The following SMU1 variants were observed in gnomAD, a reference collection of about 807,000 sequenced individuals.
The protein encoded by SMU1 is WD40 repeat-containing protein SMU1.
SMU1 carries 2 observed loss-of-function variants against 62.0 expected under a neutral mutation model. That is an observed-to-expected ratio of 0.03 (90% CI 0.01 to 0.10). The LOEUF (loss-of-function observed/expected upper bound fraction) is 0.10, where lower values mean the gene tolerates loss of function less well. Ranked by LOEUF, SMU1 falls within the 10% of genes least tolerant of loss-of-function variation. The probability of loss-of-function intolerance (pLI) is 1.00; values close to 1 mark genes in which losing one functional copy is unlikely to be tolerated. For missense variants in SMU1, 227 were observed against 622.1 expected (o/e 0.36, Z 6.76); for synonymous variants, 188 against 212.4 (o/e 0.89, Z 1.00).
intron 4 of SMU1, 165 bp from the exon 5 acceptor site, chr9:33,062,342 T>C: frequency 2.4e-6 from 1 of 415,710 alleles, no homozygotes; most frequent in Non-Finnish European, 3.2e-6. Context: ...TGTGCTCCCC[T>C]GTGTGTCCAA....
At position 33,062,185 on chromosome 9, in the gene SMU1, G is replaced by GA. The variant is rs112622707; in HGVS notation, c.502-9dup. The GA allele has an allele frequency of 0.17, 210,306 of 1,248,330 alleles. 4,500 individuals are homozygous for GA. The highest frequency in any genetic ancestry group is 0.18 in the Non-Finnish European group (163,780 of 914,310). The allele number at this position is 1,248,330 out of a possible 1,614,324, so 77.3% of individuals were successfully genotyped here. ...CTGCTGCCACTTCAGTGCCTATGAG[G>GA]AAAAAAAAAAATATAGCAATCTGTT... On this transcript the variant is annotated splice_polypyrimidine_tract_variant and intron_variant, in intron 4 of 11. Transcript: ENST00000397149.
intron 2 of SMU1, among the ~76,000 whole-genome samples, chr9:33,072,995 G>A (rs887673948): frequency 9.9e-5 from 15 of 152,240 alleles, no homozygotes; most frequent in African/African-American, 3.6e-4. Flanking sequence ...CTTGGAATTT[G>A]ACCAGTGATA....
In SMU1 at chr9:33,044,565, C is replaced by G. The variant is rs1421222211; in HGVS notation, c.*2728G>C. 1 of 152,258 alleles carries G rather than the reference C, an allele frequency of 6.6e-6. No individual in the cohort carries two copies. The highest frequency in any genetic ancestry group is 2.4e-5 in the African/African-American group (1 of 41,454). 9.4% of individuals were successfully genotyped at this position (152,258 alleles called of 1,614,324 possible). A position where few individuals can be genotyped will look rare whatever the true frequency, so the allele number is the denominator to read the frequency against. On this transcript the variant is annotated 3_prime_UTR_variant, in exon 12 of 12. Transcript: ENST00000397149. Reference sequence around the variant, plus strand: ...GCCCCAGCCTTCAATGCTGGAGGGACGGCCGCGTGGGGCTTCAGAAAGGCT... The same window carrying G: ...GCCCCAGCCTTCAATGCTGGAGGGAGGGCCGCGTGGGGCTTCAGAAAGGCT...
In SMU1 at chr9:33,069,083, GT is replaced by G. The variant is rs1174157309; in HGVS notation, c.391-150del. 7 of 1,295,988 alleles carry G rather than the reference GT, an allele frequency of 5.4e-6. No homozygotes were observed. The African/African-American group carries it at 7.6e-5, about 14-fold the overall frequency. The allele number at this position is 1,295,988 out of a possible 1,614,324, so 80.3% of individuals were successfully genotyped here. A position where few individuals can be genotyped will look rare whatever the true frequency, so the allele number is the denominator to read the frequency against. On this transcript the variant is annotated intron_variant, in intron 3 of 11. Coordinates refer to ENST00000397149, the MANE Select transcript of SMU1 (RefSeq NM_018225.3). ...AGAAGGGATTAGTTGAACTAATTTA[GT>G]TTTTGAAAATGACTTCCCAATTCTG...
chr9:33,055,867 C>T (rs756948087), intron 9 of SMU1, among the ~76,000 whole-genome samples: 6 of 152,188 alleles, frequency 3.9e-5, no homozygotes, highest in Non-Finnish European at 8.8e-5. Flanking sequence ...GGACTCTTCA[C>T]CCTTCCTCTT....
At chr9:33,058,917 T>G (rs966889376) in intron 6 of SMU1, among the ~76,000 whole-genome samples, 1 of 151,916 alleles carries the variant, frequency 6.6e-6, no homozygotes, top group African/African-American at 2.4e-5. Context: ...TATAAAGAGC[T>G]CCTACAAATC....
At chr9:33,049,167 A>G (rs998646951) in intron 10 of SMU1, among the ~76,000 whole-genome samples, 1 of 152,208 alleles carries the variant, frequency 6.6e-6, no homozygotes, top group Non-Finnish European at 1.5e-5. Flanking sequence ...AGCGAACTCA[A>G]TGTTGAAAGA....
At chr9:33,054,525 G>T (rs543750226) in intron 9 of SMU1, among the ~76,000 whole-genome samples, 1 of 152,070 alleles carries the variant, frequency 6.6e-6, no homozygotes, top group African/African-American at 2.4e-5. Context: ...TACTTTTCCC[G>T]GTCTATCTTT....
intron 1 of SMU1, among the ~76,000 whole-genome samples, chr9:33,075,270 G>A (rs933696654): frequency 3.9e-5 from 6 of 152,218 alleles, no homozygotes; most frequent in Non-Finnish European, 5.9e-5. Flanking sequence ...CCAGCTACTC[G>A]GGAGGCTGAG....
At position 33,051,057 on chromosome 9, in the gene SMU1, C is replaced by G. The variant is rs59552457; in HGVS notation, c.1290+2066G>C. 4.1e-4 allele frequency among the ~76,000 whole-genome samples: 33 copies of G among 81,326 alleles called. 4 individuals carry two copies. Among genetic ancestry groups the G allele is most frequent in the East Asian group, 5.4e-4 (2 of 3,722 alleles). 53.4% of individuals were successfully genotyped at this position (81,326 alleles called of 152,430 possible). A position where few individuals can be genotyped will look rare whatever the true frequency, so the allele number is the denominator to read the frequency against. ...AATGGCGTGAACCCAGGAGGCGGAG[C>G]TTGCAGTGAGCCGAGATCGCGCCAC... is the stretch of plus-strand genomic sequence containing the variant. On this transcript the variant is annotated intron_variant, in intron 10 of 11. Transcript: ENST00000397149.
rs58105257 is a variant in SMU1 at position 33,067,297 on chromosome 9, CAAAAAAAAAAA to C, written c.501+1516_501+1526del. 5.5e-4 allele frequency among the ~76,000 whole-genome samples: 29 copies of C among 52,768 alleles called. 2 individuals carry two copies. The highest frequency in any genetic ancestry group is 1.1e-3 in the African/African-American group (11 of 9,800). 34.6% of individuals were successfully genotyped at this position (52,768 alleles called of 152,430 possible). On this transcript the variant is annotated intron_variant, in intron 4 of 11. Coordinates refer to ENST00000397149, the MANE Select transcript of SMU1 (RefSeq NM_018225.3). ...CTGAAGAAAGTTAGTTGCTAATGAC[CAAAAAAAAAAA>C]AAAAAAAAAAAAAAAATCAGGTAAT...
intron 4 of SMU1, among the ~76,000 whole-genome samples, chr9:33,062,792 G>C (rs1839377527): frequency 6.6e-6 from 1 of 151,990 alleles, no homozygotes; most frequent in Admixed American, 6.6e-5. Flanking sequence ...CTATTTTGGG[G>C]ATATTCCCCT....
rs1457493640 is a variant in SMU1 at position 33,041,985 on chromosome 9, G to C, written c.*5308C>G. On this transcript the variant is annotated 3_prime_UTR_variant, in exon 12 of 12. Coordinates refer to ENST00000397149, the MANE Select transcript of SMU1 (RefSeq NM_018225.3). ...GACAATGTTACAGGGCTTCTGTTTAGGGTGATGACATTTTGGAAATACAAT... is the reference window on the plus strand; with the variant it reads ...GACAATGTTACAGGGCTTCTGTTTACGGTGATGACATTTTGGAAATACAAT... 1.3e-5 allele frequency: 2 copies of C among 152,264 alleles called. No homozygotes were observed. The highest frequency in any genetic ancestry group is 2.9e-5 in the Non-Finnish European group (2 of 68,036). The allele number at this position is 152,264 out of a possible 1,614,324, so 9.4% of individuals were successfully genotyped here.
intron 11 of SMU1, 108 bp from the exon 12 acceptor site, chr9:33,047,499 T>G: frequency 1.4e-6 from 1 of 733,800 alleles, no homozygotes. Flanking sequence ...GGAGGCCACA[T>G]ATTCCAAATG....
intron 10 of SMU1, among the ~76,000 whole-genome samples, chr9:33,050,438 T>C (rs979472163): frequency 6.6e-6 from 1 of 151,606 alleles, no homozygotes; most frequent in Non-Finnish European, 1.5e-5. Context: ...TGGATGTTTA[T>C]AGCAGCTTTA....
chr9:33,070,567 A>G (rs1839474662), intron 3 of SMU1, among the ~76,000 whole-genome samples: 1 of 152,238 alleles, frequency 6.6e-6, no homozygotes, highest in South Asian at 2.1e-4. Flanking sequence ...TATCAAAGAG[A>G]TATCTGCACT....
intron 3 of SMU1, among the ~76,000 whole-genome samples, chr9:33,070,751 T>C (rs573548745): frequency 6.6e-6 from 1 of 152,286 alleles, no homozygotes; most frequent in African/African-American, 2.4e-5. Flanking sequence ...TAGAGCTCAT[T>C]ATGGTAAGCG....
rs1276433777 is a variant in SMU1, at chr9:33,042,292, A to C, written c.*5001T>G. 1 of 152,722 alleles carries C rather than the reference A, an allele frequency of 6.5e-6. No individual in the cohort carries two copies. The highest frequency in any genetic ancestry group is 2.4e-5 in the African/African-American group (1 of 41,454). The allele number at this position is 152,722 out of a possible 1,614,324, so 9.5% of individuals were successfully genotyped here. A position where few individuals can be genotyped will look rare whatever the true frequency, so the allele number is the denominator to read the frequency against. ...ACTAACAGCCTCTGTTGAACCCTTC[A>C]TTACTATGTAAGCAGCCATATTTAA... On this transcript the variant is annotated 3_prime_UTR_variant, in exon 12 of 12. Coordinates refer to ENST00000397149, the MANE Select transcript of SMU1 (RefSeq NM_018225.3).
At chr9:33,073,199 C>A (rs926935765) in intron 2 of SMU1, among the ~76,000 whole-genome samples, 1 of 152,038 alleles carries the variant, frequency 6.6e-6, no homozygotes, top group Non-Finnish European at 1.5e-5. Flanking sequence ...GAGTTTGAGA[C>A]CACCCTGGGT....
Sources: gnomAD v4.1 joint callset for allele counts (sites outside exome capture counted in the v4.1 genomes callset) on GRCh38, gnomAD v4.1.1 for gene constraint, MANE v1.5 for transcripts, NCBI Gene and HGNC (gene_info 2026-07-23, HGNC 2026-07-21) for gene names.